Variants in MYBPC1 observed in about 807,000 individuals in gnomAD.
MYBPC1 encodes myosin-binding protein C, slow-type.
In MYBPC1, 52 loss-of-function variants were observed where a neutral mutation model predicts 147.1. The observed-to-expected ratio is 0.35, with a 90% CI of 0.28 to 0.45. MYBPC1 has a LOEUF of 0.45. Among genes scored for constraint, MYBPC1 ranks in the 20% least tolerant of loss-of-function variants. The probability of loss-of-function intolerance (pLI) is 1.00; values close to 1 mark genes in which losing one functional copy is unlikely to be tolerated. For synonymous variants in MYBPC1, 477 were observed against 475.9 expected, an observed-to-expected ratio of 1.00 and a Z score of -0.03; for missense variants, 1,228 against 1,440.3, an observed-to-expected ratio of 0.85 and a Z score of 2.39.
intron 12 of MYBPC1, among the ~76,000 whole-genome samples, chr12:101,645,423 G>A (rs978271762): frequency 6.6e-6 from 1 of 152,158 alleles, no homozygotes; most frequent in Non-Finnish European, 1.5e-5. Context: ...CTACTTTACA[G>A]AGATCCTCCT....
intron 1 of MYBPC1, among the ~76,000 whole-genome samples, chr12:101,603,333 G>A (rs978208418): frequency 6.7e-6 from 1 of 150,006 alleles, no homozygotes; most frequent in Non-Finnish European, 1.5e-5. Context: ...CAACAAGAGT[G>A]AAACTCCGTC....
intron 5 of MYBPC1, chr12:101,628,966 GCTT>G: frequency 9.1e-6 from 2 of 219,246 alleles, no homozygotes; most frequent in South Asian, 7.9e-5. Context: ...GCCAGGCTTG[GCTT>G]TCTGACCCTT....
chr12:101,614,607 C>T (rs751828445), intron 2 of MYBPC1, 76 bp downstream of exon 2: 84 of 1,498,022 alleles, frequency 5.6e-5, no homozygotes, highest in Middle Eastern at 2.1e-4. Flanking sequence ...TTGGCCTCCA[C>T]GGGTGCTGTG....
At chr12:101,684,195 T>C (rs1011424566) in intron 30 of MYBPC1, among the ~76,000 whole-genome samples, 187 bp from the exon 31 acceptor site, 19 of 152,278 alleles carry the variant, frequency 1.2e-4, no homozygotes, top group African/African-American at 4.6e-4. Context: ...CCTTTTGACG[T>C]GACTGGATCC....
intron 8 of MYBPC1, among the ~76,000 whole-genome samples, chr12:101,633,886 C>T (rs547229955): frequency 2.0e-5 from 3 of 148,650 alleles, no homozygotes; most frequent in East Asian, 4.0e-4. Context: ...GAGAAGATCA[C>T]CTGGAGGGCT....
At chr12:101,596,940 G>A (rs1271249680) in intron 1 of MYBPC1, among the ~76,000 whole-genome samples, 2 of 152,204 alleles carry the variant, frequency 1.3e-5, no homozygotes, top group African/African-American at 2.4e-5. Flanking sequence ...GGATGATGGG[G>A]ATTGGGGCAA....
chr12:101,693,783 G>T, the MYBPC1 span, among the ~76,000 whole-genome samples: 1 of 151,984 alleles, frequency 6.6e-6, no homozygotes, highest in Admixed American at 6.6e-5. Flanking sequence ...AATTTTAGCT[G>T]GGCAGGTGGC....
At chr12:101,671,511 A>G (rs1898730127) in intron 24 of MYBPC1, among the ~76,000 whole-genome samples, 1 of 152,366 alleles carries the variant, frequency 6.6e-6, no homozygotes, top group East Asian at 1.9e-4. Flanking sequence ...GCATGAAATC[A>G]GAATGAAAGC....
chr12:101,692,947 CT>C, the MYBPC1 span, among the ~76,000 whole-genome samples: 241 of 129,102 alleles, frequency 1.9e-3, 1 homozygote, highest in African/African-American at 6.0e-3. Flanking sequence ...ATTACCTTCA[CT>C]TTTTTTTTTT....
downstream of MYBPC1, among the ~76,000 whole-genome samples, chr12:101,687,278 G>C (rs181276599): frequency 6.6e-6 from 1 of 151,886 alleles, no homozygotes; most frequent in Admixed American, 6.6e-5. Context: ...CTGTGTCCAA[G>C]TGTTCTCATT....
chr12:101,634,941 G>A (rs1254349924), intron 9 of MYBPC1, among the ~76,000 whole-genome samples: 2 of 152,164 alleles, frequency 1.3e-5, no homozygotes, highest in Admixed American at 1.3e-4. Context: ...AATACGCAAA[G>A]AGACTCATTT....
intron 6 of MYBPC1, among the ~76,000 whole-genome samples, chr12:101,630,509 A>G (rs1056151949): frequency 6.6e-6 from 1 of 152,226 alleles, no homozygotes; most frequent in African/African-American, 2.4e-5. Context: ...CTGACACACC[A>G]TAATGCTGAG....
rs1885639280 is a variant in MYBPC1 at position 101,615,444 on chromosome 12, CT to C, written c.61+914del. On this transcript the variant is annotated intron_variant, in intron 2 of 31. Transcript: ENST00000361466. Reference sequence around the variant, plus strand: ...TATTTACCCTGTGCACAACTCTGACCTAACCCTTCAGAGGGATTCAGACATA... The same window carrying C: ...TATTTACCCTGTGCACAACTCTGACCAACCCTTCAGAGGGATTCAGACATA... Among the ~76,000 whole-genome samples the C allele has an allele frequency of 5.9e-5, 9 of 152,228 alleles. No individual in the cohort carries two copies. The South Asian group carries it at 1.9e-3, about 32-fold the overall frequency.
rs1893918639 is a variant in MYBPC1, at chr12:101,649,353, A to T, written c.1290A>T (p.Ala430=). 27 of 1,614,066 alleles carry T rather than the reference A, an allele frequency of 1.7e-5. No individual in the cohort carries two copies. Among genetic ancestry groups the T allele is most frequent in the Non-Finnish European group, 2.3e-5 (27 of 1,179,920 alleles). The change falls in exon 15 of 32, where the codon GCA becomes GCT. Residue 430 remains alanine (A), a synonymous_variant. Transcript: ENST00000361466. The part of the protein sequence containing the change: ...GKKHILIIEG[A]TKADAAEYSV... ...AACACATCTTGATCATAGAGGGAGC[A>T]ACAAAGGCTGATGCTGCAGAATATT...
chr12:101,691,866 C>T, the MYBPC1 span, among the ~76,000 whole-genome samples: 4 of 152,134 alleles, frequency 2.6e-5, no homozygotes, highest in Non-Finnish European at 4.4e-5. Flanking sequence ...CACTCTATGA[C>T]CTGGGCAAGG....
intron 17 of MYBPC1, 53 bp downstream of exon 17, chr12:101,652,837 T>G: frequency 7.0e-7 from 1 of 1,438,700 alleles, no homozygotes; most frequent in African/African-American, 1.4e-5. Context: ...TGTTTGCTTT[T>G]GCTTACCATG....
chr12:101,635,683 G>C (rs1362523727), intron 9 of MYBPC1, among the ~76,000 whole-genome samples: 1 of 152,070 alleles, frequency 6.6e-6, no homozygotes, highest in East Asian at 1.9e-4. Context: ...GAACAGAAAT[G>C]TATTTACTTC....
rs754377754 is a variant in MYBPC1 at position 101,673,588 on chromosome 12, C to T, written c.2775C>T (p.Phe925=). 6.8e-6 allele frequency: 11 copies of T among 1,613,968 alleles called. No homozygotes were observed. The highest frequency in any genetic ancestry group is 6.7e-5 in the Admixed American group (4 of 59,988). The change falls in exon 25 of 32, where the codon TTC becomes TTT. Residue 925 remains phenylalanine (F), a synonymous_variant. Coordinates refer to ENST00000361466, the MANE Select transcript of MYBPC1 (RefSeq NM_002465.4). The stretch of plus-strand genomic sequence containing the variant: ...ATCTGCAAGTCAAAGTGGACAAATT[C>T]GTGGAGACCGCATCAATTGACATCC... The part of the protein sequence containing the change: ...KYDLQVKVDK[F]VETASIDIQI...
Position 101,680,430 on chromosome 12 carries a change from G to A in MYBPC1, c.3334G>A (p.Glu1112Lys), listed in dbSNP as rs1261364004. 5.6e-6 allele frequency: 9 copies of A among 1,613,964 alleles called. No homozygotes were observed. The South Asian group carries it at 9.9e-5, about 18-fold the overall frequency. ...MFSNQGVCTLEIRKPSPYDGG... is the reference protein window; with the variant it reads ...MFSNQGVCTLKIRKPSPYDGG... ...CAGCAACCAGGGAGTCTGTACCCTG[G>A]AAATTCGCAAGCCCAGCCCCTATGA... The change falls in exon 29 of 32, where the codon GAA (glutamate) becomes AAA (lysine). Residue 1112 changes from glutamate (E) to lysine (K), a missense_variant. Coordinates refer to ENST00000361466, the MANE Select transcript of MYBPC1 (RefSeq NM_002465.4).
Sources: gnomAD v4.1 joint callset for allele counts (sites outside exome capture counted in the v4.1 genomes callset) on GRCh38, gnomAD v4.1.1 for gene constraint, MANE v1.5 for transcripts, NCBI Gene and HGNC (gene_info 2026-07-23, HGNC 2026-07-21) for gene names.